Variants in DNAH12 observed in about 807,000 individuals in gnomAD.
The protein encoded by DNAH12 is axonemal beta dynein heavy chain 12.
DNAH12 carries 285 observed loss-of-function variants against 371.5 expected under a neutral mutation model. The ratio of observed to expected loss-of-function variants is 0.77; its 90% CI spans 0.70 to 0.85. The LOEUF is 0.85. DNAH12 is among the 40% of genes least tolerant of loss of function. The pLI is 0.00. For missense variants in DNAH12, 3,611 were observed against 3,689.4 expected (o/e 0.98, Z 0.55); for synonymous variants, 1,200 against 1,213.0 (o/e 0.99, Z 0.22).
intron 10 of DNAH12, among the ~76,000 whole-genome samples, chr3:57,501,910 CTT>C (rs11333440): frequency 9.3e-4 from 134 of 143,598 alleles, no homozygotes; most frequent in Middle Eastern, 7.0e-3. Flanking sequence ...GGGTTTGATT[CTT>C]TTTTTTTTTT....
Position 57,452,927 on chromosome 3 carries a change from G to T in DNAH12, c.3702C>A (p.Cys1234Ter), listed in dbSNP as rs2065797135. The change falls in exon 25 of 74, where the codon TGC (cysteine) becomes TGA (stop). Residue 1234 changes from cysteine (C) to a stop codon, truncating the protein, a stop_gained. Transcript: ENST00000495027. LOFTEE classifies it high-confidence loss of function. The part of the protein sequence containing the change: ...NENARVRIIN[C>*]NVKYAYEYLG... ...GATATTCATAAGCATATTTTACATT[G>T]CAATTAATGATACGAACTCGGGCAT... The T allele has an allele frequency of 1.9e-6, 3 of 1,551,188 alleles. No homozygotes were observed. Among genetic ancestry groups the T allele is most frequent in the Non-Finnish European group, 1.7e-6 (2 of 1,146,898 alleles).
chr3:57,398,021 A>C (rs893386690), intron 43 of DNAH12, among the ~76,000 whole-genome samples: 1 of 152,212 alleles, frequency 6.6e-6, no homozygotes, highest in African/African-American at 2.4e-5. Flanking sequence ...AAGATACTCA[A>C]TGAGCTGAAA....
intron 73 of DNAH12, among the ~76,000 whole-genome samples, chr3:57,294,705 A>G (rs551413355): frequency 5.8e-4 from 88 of 152,342 alleles, no homozygotes; most frequent in African/African-American, 2.1e-3. Context: ...GAAGAAGCTG[A>G]CGTTTCTATT....
chr3:57,309,934 AT>A, intron 67 of DNAH12, 80 bp from the exon 68 acceptor site: 3 of 1,268,656 alleles, frequency 2.4e-6, no homozygotes, highest in South Asian at 1.8e-5. Flanking sequence ...ACTCCAAAAT[AT>A]GCTACTTTGG....
intron 16 of DNAH12, 131 bp downstream of exon 16, chr3:57,470,312 G>A: frequency 2.3e-6 from 2 of 876,236 alleles, no homozygotes; most frequent in Non-Finnish European, 3.4e-6. Flanking sequence ...TCTCCTACAT[G>A]GTACCTGGTT....
chr3:57,433,727 T>G lies in DNAH12; in HGVS notation c.4757A>C (p.Glu1586Ala). The G allele has an allele frequency of 1.9e-6, 3 of 1,551,526 alleles. No homozygotes were observed. The highest frequency in any genetic ancestry group is 2.4e-5 in the East Asian group (1 of 40,904). ...GTTTACAGTTCTATAAATGACCTTT[T>G]CTTCCTCTCCATAGCCATGTTCATT... Reference protein sequence around the residue: ...LMNEHGYGEEEKVIYRTVNPK... With the variant: ...LMNEHGYGEEAKVIYRTVNPK... Residue 1586 changes from glutamate to alanine, a missense_variant, in exon 31 of 74, where the codon GAA (glutamate) becomes GCA (alanine). Glu to Ala is a moderately radical substitution (Grantham distance 107, BLOSUM62 -1). Coordinates refer to ENST00000495027, the MANE Select transcript of DNAH12 (RefSeq NM_001366028.2).
chr3:57,520,419 TTTTTA>T (rs1205429984), intron 4 of DNAH12, among the ~76,000 whole-genome samples: 1 of 148,352 alleles, frequency 6.7e-6, no homozygotes, highest in African/African-American at 2.5e-5. Context: ...TTCCTTTTTA[TTTTTA>T]TTTTATTATT....
intron 60 of DNAH12, among the ~76,000 whole-genome samples, chr3:57,344,017 A>G (rs1553657196): frequency 6.6e-6 from 1 of 151,328 alleles, no homozygotes; most frequent in East Asian, 1.9e-4. Context: ...TGCTAAAATA[A>G]TGAAAGTAAT....
At chr3:57,517,729 G>A (rs186553847) in intron 4 of DNAH12, among the ~76,000 whole-genome samples, 46 of 152,240 alleles carry the variant, frequency 3.0e-4, no homozygotes, top group Non-Finnish European at 4.4e-4. Flanking sequence ...TCTAAGTCAA[G>A]TGATGTACTT....
At chr3:57,516,152 C>T (rs1399751245) in intron 4 of DNAH12, among the ~76,000 whole-genome samples, 5 of 150,850 alleles carry the variant, frequency 3.3e-5, no homozygotes, top group Non-Finnish European at 5.9e-5. Flanking sequence ...AAACCTCCAC[C>T]TCTTGGGTTC....
At chr3:57,489,830 G>T in intron 11 of DNAH12, 143 bp from the exon 12 acceptor site, 2 of 793,016 alleles carry the variant, frequency 2.5e-6, no homozygotes, top group Non-Finnish European at 1.8e-6. Context: ...TTCCCTTGTT[G>T]CATACATATT....
intron 39 of DNAH12, among the ~76,000 whole-genome samples, chr3:57,412,537 A>G (rs188332327): frequency 2.0e-4 from 30 of 152,324 alleles, no homozygotes; most frequent in Admixed American, 1.8e-3. Flanking sequence ...TGCAAATGAC[A>G]CATCTGATAA....
At chr3:57,450,524 G>C (rs1405624614) in intron 25 of DNAH12, among the ~76,000 whole-genome samples, 1 of 152,302 alleles carries the variant, frequency 6.6e-6, no homozygotes, top group South Asian at 2.1e-4. Flanking sequence ...CTCTAGCCTG[G>C]GCAACAAGAG....
chr3:57,298,578 C>T lies in DNAH12; in HGVS notation c.11395-1594G>A, dbSNP rs534909211. ...TTTGCTTATGTCAGAATTTTTGTTACTTATAATGGAATCAATCCAAAGTGG... is the reference window on the plus strand; with the variant it reads ...TTTGCTTATGTCAGAATTTTTGTTATTTATAATGGAATCAATCCAAAGTGG... On this transcript the variant is annotated intron_variant, in intron 70 of 73. Transcript: ENST00000495027. Among the ~76,000 whole-genome samples, 3 of 152,326 alleles carry T rather than the reference C, an allele frequency of 2.0e-5. No individual in the cohort carries two copies. The South Asian group carries it at 6.2e-4, about 32-fold the overall frequency.
At chr3:57,398,784 G>A (rs1266261570) in intron 43 of DNAH12, among the ~76,000 whole-genome samples, 2 of 152,112 alleles carry the variant, frequency 1.3e-5, no homozygotes, top group African/African-American at 4.8e-5. Flanking sequence ...ATATCTGCCT[G>A]ACAAGATATG....
chr3:57,548,907 A>G (rs2069597940), upstream of DNAH12: 1 of 152,254 alleles, frequency 6.6e-6, no homozygotes, highest in South Asian at 2.1e-4. Context: ...GTGCCTGCAT[A>G]AGGATGACAC....
intron 45 of DNAH12, among the ~76,000 whole-genome samples, chr3:57,387,524 A>G (rs969841904): frequency 3.9e-5 from 6 of 152,162 alleles, no homozygotes; most frequent in Non-Finnish European, 1.5e-5. Context: ...TAGGCATCCT[A>G]AATTTATCAT....
At chr3:57,553,930 T>C in the DNAH12 span, among the ~76,000 whole-genome samples, 2 of 150,804 alleles carry the variant, frequency 1.3e-5, no homozygotes, top group African/African-American at 2.4e-5. Context: ...GTTCAAAAGA[T>C]TGTCCTGCCT....
At chr3:57,295,662 T>TA (rs2061218874) in intron 72 of DNAH12, 70 bp from the exon 73 acceptor site, 1 of 1,341,630 alleles carries the variant, frequency 7.5e-7, no homozygotes, top group African/African-American at 1.5e-5. Context: ...GATTGCTACT[T>TA]AGATATTGGC....
Sources: gnomAD v4.1 joint callset for allele counts (sites outside exome capture counted in the v4.1 genomes callset) on GRCh38, gnomAD v4.1.1 for gene constraint, MANE v1.5 for transcripts, NCBI Gene and HGNC (gene_info 2026-07-23, HGNC 2026-07-21) for gene names.